PCDHA10: variants seen among roughly 807,000 people sequenced by gnomAD.
PCDHA10 encodes protocadherin alpha 10, also known as protocadherin alpha-10.
In PCDHA10, 45 loss-of-function variants were observed where a neutral mutation model predicts 61.2. The observed-to-expected ratio is 0.74, with a 90% CI of 0.58 to 0.94. PCDHA10 has a LOEUF of 0.94. Among genes scored for constraint, PCDHA10 ranks in the 40% least tolerant of loss-of-function variants. The pLI is 0.00. For missense variants in PCDHA10, 1,278 were observed against 1,236.2 expected (o/e 1.03, Z -0.51); for synonymous variants, 602 against 548.8 (o/e 1.10, Z -1.35).
At chr5:140,902,051 A>G (rs998360115) in intron 1 of PCDHA10, among the ~76,000 whole-genome samples, 2 of 152,100 alleles carry the variant, frequency 1.3e-5, no homozygotes, top group African/African-American at 4.8e-5. Context: ...TTGATTTTGT[A>G]TCCTGCAACT....
At chr5:140,864,105 T>C (rs1413292385) in intron 1 of PCDHA10, 1 of 152,314 alleles carries the variant, frequency 6.6e-6, no homozygotes, top group Non-Finnish European at 1.5e-5. Flanking sequence ...ATAATGATAA[T>C]AGTAATAATG....
chr5:140,869,323 C>G (rs1426806563), intron 1 of PCDHA10: 13 of 1,613,746 alleles, frequency 8.1e-6, no homozygotes, highest in Non-Finnish European at 1.0e-5. Flanking sequence ...ACATGGGGAC[C>G]TTCTGGAGGT....
rs1338866234 is a variant in PCDHA10 at position 141,009,892 on chromosome 5, GAA to G, written c.2807_2808del (p.Lys936ArgfsTer8). ...AGAAGAAGGGTAACAAGACCCAGGA[GAA>G]AAAAGAGAAAGGGAACAGCACGACT... ...KKKKGNKTQE[K>X]KEKGNSTTDN... On this transcript the variant is annotated frameshift_variant, in exon 4 of 4. Coordinates refer to ENST00000307360, the MANE Select transcript of PCDHA10 (RefSeq NM_018901.4). LOFTEE classifies it high-confidence loss of function. The G allele has an allele frequency of 3.7e-6, 6 of 1,612,022 alleles. No individual in the cohort carries two copies. The Admixed American group carries it at 1.0e-4, about 27-fold the overall frequency.
At chr5:140,895,389 C>T (rs553681530) in intron 1 of PCDHA10, among the ~76,000 whole-genome samples, 1 of 152,098 alleles carries the variant, frequency 6.6e-6, no homozygotes, top group South Asian at 2.1e-4. Context: ...CTTCAATTCT[C>T]AACACCATCA....
intron 1 of PCDHA10, chr5:140,869,408 G>T (rs782029332): frequency 2.0e-5 from 32 of 1,614,106 alleles, no homozygotes; most frequent in Non-Finnish European, 2.7e-5. Context: ...AGCGCGGAGT[G>T]CAGCATCCAC....
chr5:141,005,697 G>A (rs1197870932), intron 3 of PCDHA10, among the ~76,000 whole-genome samples: 75 of 78,728 alleles, frequency 9.5e-4, no homozygotes, highest in Admixed American at 6.2e-4. Context: ...GCGAAACTCC[G>A]TCTCAAAAAA....
chr5:140,927,917 TC>T (rs1554205257), intron 1 of PCDHA10: 2 of 1,614,182 alleles, frequency 1.2e-6, no homozygotes, highest in Non-Finnish European at 8.5e-7. Flanking sequence ...GAACTGGACT[TC>T]CTGACTCTTT....
chr5:140,966,454 C>A (rs897696652), intron 1 of PCDHA10: 2 of 426,524 alleles, frequency 4.7e-6, no homozygotes, highest in Non-Finnish European at 8.1e-6. Flanking sequence ...TCCCCCTCCC[C>A]CTCTGTCTTC....
intron 1 of PCDHA10, chr5:140,859,867 TC>T (rs2046061567): frequency 6.6e-6 from 1 of 152,134 alleles, no homozygotes; most frequent in East Asian, 1.9e-4. Context: ...AATATATACT[TC>T]CCCCTCTGAT....
At chr5:140,937,199 G>T (rs2091405017) in intron 1 of PCDHA10, among the ~76,000 whole-genome samples, 1 of 151,792 alleles carries the variant, frequency 6.6e-6, no homozygotes, top group African/African-American at 2.4e-5. Flanking sequence ...CACCATGCCC[G>T]GCTAATTTTT....
chr5:140,907,066 G>A (rs748785005), intron 1 of PCDHA10, among the ~76,000 whole-genome samples: 6 of 152,096 alleles, frequency 3.9e-5, no homozygotes, highest in Non-Finnish European at 8.8e-5. Context: ...TTTACTAGTG[G>A]GTCACTAGGG....
intron 1 of PCDHA10, among the ~76,000 whole-genome samples, chr5:140,901,174 G>C (rs782712619): frequency 1.3e-5 from 2 of 152,050 alleles, no homozygotes; most frequent in Non-Finnish European, 2.9e-5. Flanking sequence ...TCTTCACTTT[G>C]TTGATTGTTT....
chr5:140,871,371 G>A (rs948553844), intron 1 of PCDHA10: 1 of 1,614,202 alleles, frequency 6.2e-7, no homozygotes, highest in Non-Finnish European at 8.5e-7. Context: ...GGCGGCAGAG[G>A]GTGTGCTCTG....
chr5:140,918,051 A>G (rs782531005), intron 1 of PCDHA10, among the ~76,000 whole-genome samples: 2 of 151,984 alleles, frequency 1.3e-5, no homozygotes, highest in Non-Finnish European at 1.5e-5. Flanking sequence ...CATTTGTTTT[A>G]TCATCTCTGA....
At position 140,856,877 on chromosome 5, in the gene PCDHA10, A is replaced by G; in HGVS notation, c.829A>G (p.Met277Val). ...DSDEGINKEMMYSFSSLVPPT... is the reference protein window; with the variant it reads ...DSDEGINKEMVYSFSSLVPPT... Reference sequence around the variant, plus strand: ...GGATGAAGGAATAAACAAGGAAATGATGTATTCATTTAGCTCTTTGGTCCC... The same window carrying G: ...GGATGAAGGAATAAACAAGGAAATGGTGTATTCATTTAGCTCTTTGGTCCC... The change falls in exon 1 of 4, where the codon ATG becomes GTG. Residue 277 changes from methionine to valine, a missense_variant. Coordinates refer to ENST00000307360, the MANE Select transcript of PCDHA10 (RefSeq NM_018901.4). The G allele has an allele frequency of 6.3e-7, 1 of 1,595,914 alleles. No homozygotes were observed. Among genetic ancestry groups the G allele is most frequent in the Non-Finnish European group, 8.6e-7 (1 of 1,165,684 alleles).
intron 1 of PCDHA10, among the ~76,000 whole-genome samples, chr5:140,941,215 C>CTT (rs782548958): frequency 1.2e-4 from 13 of 104,510 alleles, no homozygotes; most frequent in African/African-American, 4.4e-4. Flanking sequence ...TTCTTTCTTC[C>CTT]TTTCTTTCTT....
At chr5:140,877,196 G>C (rs782703953) in intron 1 of PCDHA10, 1 of 1,613,808 alleles carries the variant, frequency 6.2e-7, no homozygotes, top group East Asian at 2.2e-5. Context: ...AGCGCAGGAG[G>C]CGCAGTTAGC....
At chr5:140,964,941 G>A (rs1223587543) in intron 1 of PCDHA10, among the ~76,000 whole-genome samples, 1 of 152,242 alleles carries the variant, frequency 6.6e-6, no homozygotes, top group African/African-American at 2.4e-5. Context: ...AGCATTGATA[G>A]TGAGTGTGCT....
chr5:140,857,602 G>A lies in PCDHA10; in HGVS notation c.1554G>A (p.Ala518=). Residue 518 remains alanine (A), a synonymous_variant, in exon 1 of 4, where the codon GCG becomes GCA. Coordinates refer to ENST00000307360, the MANE Select transcript of PCDHA10 (RefSeq NM_018901.4). ...SVHAESGKVY[A]LQPLDHEELE... ...ACGCGGAGAGCGGCAAGGTGTACGC[G>A]CTGCAGCCGCTGGACCACGAGGAGC... The A allele has an allele frequency of 1.3e-6, 2 of 1,596,382 alleles. No homozygotes were observed. The highest frequency in any genetic ancestry group is 8.6e-7 in the Non-Finnish European group (1 of 1,167,702).
Sources: gnomAD v4.1 joint callset for allele counts (sites outside exome capture counted in the v4.1 genomes callset) on GRCh38, gnomAD v4.1.1 for gene constraint, MANE v1.5 for transcripts, NCBI Gene and HGNC (gene_info 2026-07-23, HGNC 2026-07-21) for gene names.